RBFOX3: variants seen among roughly 807,000 people sequenced by gnomAD.
RBFOX3 encodes RNA binding protein fox-1 homolog 3.
RBFOX3 carries 17 observed loss-of-function variants against 48.7 expected under a neutral mutation model. That is an observed-to-expected ratio of 0.35 (90% CI 0.24 to 0.52). RBFOX3 has a LOEUF of 0.52. RBFOX3 is among the 20% of genes least tolerant of loss of function. The probability of loss-of-function intolerance (pLI) is 0.94; values close to 1 mark genes in which losing one functional copy is unlikely to be tolerated. For synonymous variants in RBFOX3, 212 were observed against 209.5 expected (o/e 1.01, Z -0.10); for missense variants, 382 against 497.5 (o/e 0.77, Z 2.21).
intron 2 of RBFOX3, among the ~76,000 whole-genome samples, chr17:79,466,828 G>A (rs1347677199): frequency 3.3e-5 from 5 of 152,070 alleles, no homozygotes; most frequent in Non-Finnish European, 7.4e-5. Context: ...GAGTGCAGCC[G>A]ATGAGAGGCC....
intron 2 of RBFOX3, among the ~76,000 whole-genome samples, chr17:79,414,900 C>T (rs138899462): frequency 1.9e-3 from 296 of 152,336 alleles, no homozygotes; most frequent in Middle Eastern, 3.4e-3. Flanking sequence ...CCCGAGGTGG[C>T]GGGAGCCAGG....
the RBFOX3 span, among the ~76,000 whole-genome samples, chr17:79,618,286 C>T: frequency 7.2e-5 from 11 of 152,314 alleles, 1 homozygote; most frequent in South Asian, 2.1e-3. Flanking sequence ...CGGGAACAGG[C>T]GCCGCAGTCC....
chr17:79,388,610 C>T (rs1221561925), intron 2 of RBFOX3, among the ~76,000 whole-genome samples: 3 of 152,210 alleles, frequency 2.0e-5, no homozygotes, highest in Admixed American at 2.0e-4. Flanking sequence ...CTCCAGGAAG[C>T]TCACTGCACA....
chr17:79,528,077 C>G (rs2087049402), intron 1 of RBFOX3, among the ~76,000 whole-genome samples: 1 of 151,290 alleles, frequency 6.6e-6, no homozygotes, highest in African/African-American at 2.5e-5. Context: ...AGTTGAAACC[C>G]TGAGGTATCT....
chr17:79,103,059 C>G lies in RBFOX3; in HGVS notation c.507+103G>C. On this transcript the variant is annotated intron_variant, in intron 8 of 14. Transcript: ENST00000693108. The surrounding 1 kb of genome is among the most constrained non-coding windows in gnomAD (Gnocchi z 6.1). Reference sequence around the variant, plus strand: ...CCCACCCCAGGGAACCCTGGCCAGGCTCTCTGAAGGGTGCGGCAGTGGCAG... The same window carrying G: ...CCCACCCCAGGGAACCCTGGCCAGGGTCTCTGAAGGGTGCGGCAGTGGCAG... The G allele has an allele frequency of 1.2e-6, 1 of 863,024 alleles. No homozygotes were observed. The highest frequency in any genetic ancestry group is 2.7e-5 in the East Asian group (1 of 37,424). The allele number at this position is 863,024 out of a possible 1,614,324, so 53.5% of individuals were successfully genotyped here.
At chr17:79,131,036 GCCC>G (rs945646181) in intron 4 of RBFOX3, among the ~76,000 whole-genome samples, 7 of 151,914 alleles carry the variant, frequency 4.6e-5, no homozygotes, top group African/African-American at 9.7e-5. Context: ...TGTGTGCTGT[GCCC>G]CCATGTACTT....
chr17:79,258,766 G>C (rs972692824), intron 3 of RBFOX3, among the ~76,000 whole-genome samples: 15 of 152,154 alleles, frequency 9.9e-5, no homozygotes, highest in African/African-American at 2.9e-4. Flanking sequence ...TTCAGGAAGG[G>C]CTCATCTCCT....
At chr17:79,194,152 C>T (rs1358605730) in intron 4 of RBFOX3, among the ~76,000 whole-genome samples, 1 of 152,164 alleles carries the variant, frequency 6.6e-6, no homozygotes, top group Admixed American at 6.5e-5. Context: ...TTTCACATGG[C>T]GCTGTCCTCG....
intron 2 of RBFOX3, among the ~76,000 whole-genome samples, chr17:79,457,841 G>T (rs545626976): frequency 6.6e-6 from 1 of 152,368 alleles, no homozygotes; most frequent in South Asian, 2.1e-4. Context: ...AAGAGCAGAG[G>T]CGACTTGAAG....
intron 4 of RBFOX3, among the ~76,000 whole-genome samples, chr17:79,142,249 T>G (rs1272429969): frequency 6.6e-6 from 1 of 152,166 alleles, no homozygotes; most frequent in East Asian, 1.9e-4. Flanking sequence ...CCCCGGCCTC[T>G]GGCCCGACTG....
In RBFOX3 at chr17:79,136,901, G is replaced by C. The variant is rs78419622; in HGVS notation, c.-33-21153C>G. On this transcript the variant is annotated intron_variant, in intron 4 of 14. Coordinates refer to ENST00000693108, the MANE Select transcript of RBFOX3 (RefSeq NM_001350451.2). The stretch of plus-strand genomic sequence containing the variant: ...CCACCCCTCTCACAGTCTTAAGCCA[G>C]AGTGGACGATTCACACTCGCTCTAA... 2.7e-3 allele frequency among the ~76,000 whole-genome samples: 408 copies of C among 152,270 alleles called. 8 individuals are homozygous for C. The highest frequency in any genetic ancestry group is 0.021 in the Admixed American group (320 of 15,310).
chr17:79,336,580 C>T (rs1462931172), intron 2 of RBFOX3, among the ~76,000 whole-genome samples: 3 of 152,130 alleles, frequency 2.0e-5, no homozygotes, highest in Admixed American at 2.0e-4. Context: ...TCAGTGAGAC[C>T]CACAGGTGAG....
chr17:79,330,462 T>C (rs1015996624), intron 2 of RBFOX3, among the ~76,000 whole-genome samples: 6 of 152,212 alleles, frequency 3.9e-5, no homozygotes, highest in South Asian at 2.1e-4. Flanking sequence ...TGTGGTTTTT[T>C]TTCTTTTCAC....
chr17:79,375,318 C>A (rs1374334873), intron 2 of RBFOX3, among the ~76,000 whole-genome samples: 1 of 151,686 alleles, frequency 6.6e-6, no homozygotes, highest in Admixed American at 6.6e-5. Flanking sequence ...GGACAGGGCC[C>A]TCCCTCTAAG....
intron 3 of RBFOX3, among the ~76,000 whole-genome samples, chr17:79,263,793 G>A (rs1018292044): frequency 6.6e-6 from 1 of 152,114 alleles, no homozygotes; most frequent in African/African-American, 2.4e-5. Context: ...TCCCCAAGAA[G>A]GTATGTCCAG....
chr17:79,275,419 C>T (rs1016308910), intron 3 of RBFOX3, among the ~76,000 whole-genome samples: 8 of 152,156 alleles, frequency 5.3e-5, no homozygotes, highest in East Asian at 1.9e-4. Flanking sequence ...TGAGCACTCA[C>T]GTGATCATGA....
chr17:79,271,486 C>A (rs1206901981), intron 3 of RBFOX3, among the ~76,000 whole-genome samples: 1 of 152,228 alleles, frequency 6.6e-6, no homozygotes, highest in Non-Finnish European at 1.5e-5. Context: ...AGCTCATTAG[C>A]CGCTCTTTGC....
At chr17:79,546,669 ATTTT>A (rs34998319) in intron 1 of RBFOX3, among the ~76,000 whole-genome samples, 1 of 121,792 alleles carries the variant, frequency 8.2e-6, no homozygotes, top group Non-Finnish European at 1.7e-5. Context: ...TCCTCATTCT[ATTTT>A]TTTTTTTTTT....
chr17:79,124,925 G>A (rs9896173), intron 4 of RBFOX3, among the ~76,000 whole-genome samples: 6,636 of 151,812 alleles, frequency 0.044, 186 homozygotes, highest in Middle Eastern at 0.095. Context: ...TGTCTCGGGG[G>A]GAGCCCAGTC....
Sources: gnomAD v4.1 joint callset for allele counts (sites outside exome capture counted in the v4.1 genomes callset) on GRCh38, gnomAD v4.1.1 for gene constraint, Gnocchi (gnomAD v3.1) non-coding constraint, MANE v1.5 for transcripts, NCBI Gene and HGNC (gene_info 2026-07-23, HGNC 2026-07-21) for gene names.